SUSD6: variants seen among roughly 807,000 people sequenced by gnomAD.
SUSD6 encodes the protein sushi domain-containing protein 6.
SUSD6 carries 16 observed loss-of-function variants against 28.4 expected under a neutral mutation model. The observed-to-expected ratio is 0.56, with a 90% CI of 0.38 to 0.86. The LOEUF (loss-of-function observed/expected upper bound fraction) is 0.86, where lower values mean the gene tolerates loss of function less well. Among genes scored for constraint, SUSD6 ranks in the 40% least tolerant of loss-of-function variants. SUSD6 has a pLI of 0.00. For synonymous variants in SUSD6, 147 were observed against 159.6 expected, an observed-to-expected ratio of 0.92 and a Z score of 0.59; for missense variants, 341 against 384.2, an observed-to-expected ratio of 0.89 and a Z score of 0.94.
intron 2 of SUSD6, among the ~76,000 whole-genome samples, chr14:69,671,469 C>G (rs909862130): frequency 1.3e-5 from 2 of 152,200 alleles, no homozygotes; most frequent in Non-Finnish European, 2.9e-5. Context: ...TCAGTTCAGC[C>G]AACTCGTAGG....
intron 1 of SUSD6, among the ~76,000 whole-genome samples, chr14:69,621,849 T>C (rs566480020): frequency 1.3e-5 from 2 of 152,320 alleles, no homozygotes; most frequent in South Asian, 2.1e-4. Context: ...AAGCACATCG[T>C]TGAAAGAAGG....
At chr14:69,634,635 A>G (rs1295439237) in intron 1 of SUSD6, among the ~76,000 whole-genome samples, 1 of 152,266 alleles carries the variant, frequency 6.6e-6, no homozygotes, top group East Asian at 1.9e-4. Context: ...TTTATGAGGC[A>G]CATCTAAATT....
At chr14:69,672,290 A>G (rs1885845000) in intron 2 of SUSD6, among the ~76,000 whole-genome samples, 1 of 152,214 alleles carries the variant, frequency 6.6e-6, no homozygotes, top group South Asian at 2.1e-4. Context: ...AGAAGGTGAG[A>G]AGAGAGAGGA....
chr14:69,677,426 A>G (rs2139628223), intron 2 of SUSD6, among the ~76,000 whole-genome samples: 1 of 152,244 alleles, frequency 6.6e-6, no homozygotes, highest in Non-Finnish European at 1.5e-5. Flanking sequence ...GGACGCCTGT[A>G]GTCCCAGCTA....
intron 1 of SUSD6, among the ~76,000 whole-genome samples, chr14:69,613,739 TGATA>T (rs543984587): frequency 6.6e-5 from 10 of 152,230 alleles, no homozygotes; most frequent in Non-Finnish European, 1.5e-4. Flanking sequence ...GTATGAGTCC[TGATA>T]GATAGGACTT....
intron 2 of SUSD6, among the ~76,000 whole-genome samples, chr14:69,688,687 G>A (rs1225043200): frequency 1.3e-5 from 2 of 152,160 alleles, no homozygotes; most frequent in East Asian, 1.9e-4. Context: ...TGGATTTTCC[G>A]TTTTCTTCCC....
At chr14:69,693,207 G>A (rs1385122754) in intron 2 of SUSD6, among the ~76,000 whole-genome samples, 1 of 152,176 alleles carries the variant, frequency 6.6e-6, no homozygotes, top group African/African-American at 2.4e-5. Context: ...GAGTGGGCTA[G>A]CCCTGTACCT....
chr14:69,616,697 GA>G (rs893699555), intron 1 of SUSD6, among the ~76,000 whole-genome samples: 12 of 151,656 alleles, frequency 7.9e-5, no homozygotes, highest in East Asian at 1.9e-4. Context: ...AAATAAAAGG[GA>G]AAAAAAATCA....
At chr14:69,705,833 G>T (rs1396016597) in intron 4 of SUSD6, among the ~76,000 whole-genome samples, 4 of 152,236 alleles carry the variant, frequency 2.6e-5, no homozygotes, top group Non-Finnish European at 5.9e-5. Flanking sequence ...ATGAAGGGCA[G>T]AGCTGATGGT....
intron 2 of SUSD6, among the ~76,000 whole-genome samples, chr14:69,673,669 G>T (rs111897847): frequency 6.6e-6 from 1 of 152,146 alleles, no homozygotes; most frequent in South Asian, 2.1e-4. Context: ...GTGAGCCCCG[G>T]GGCTGGATCA....
chr14:69,638,070 T>C (rs1309155018), intron 1 of SUSD6, among the ~76,000 whole-genome samples: 1 of 152,070 alleles, frequency 6.6e-6, no homozygotes, highest in Non-Finnish European at 1.5e-5. Context: ...CCTCCAAGAA[T>C]CTTTATGTTA....
At chr14:69,620,396 T>A (rs1189394304) in intron 1 of SUSD6, among the ~76,000 whole-genome samples, 6 of 152,216 alleles carry the variant, frequency 3.9e-5, no homozygotes, top group Middle Eastern at 3.2e-3. Context: ...CAAAGGGAAG[T>A]AAGTCTAGTT....
intron 2 of SUSD6, among the ~76,000 whole-genome samples, chr14:69,689,994 T>C (rs1426470858): frequency 6.6e-6 from 1 of 151,212 alleles, no homozygotes; most frequent in African/African-American, 2.4e-5. Flanking sequence ...GTGAAAGTTA[T>C]TAGTTATTAA....
intron 1 of SUSD6, among the ~76,000 whole-genome samples, chr14:69,628,300 G>A (rs1413240579): frequency 6.6e-6 from 1 of 152,180 alleles, no homozygotes; most frequent in South Asian, 2.1e-4. Flanking sequence ...TGGGTCATTT[G>A]TGGTGGCAAA....
chr14:69,686,173 A>T (rs1886070267), intron 2 of SUSD6, among the ~76,000 whole-genome samples: 1 of 152,252 alleles, frequency 6.6e-6, no homozygotes, highest in South Asian at 2.1e-4. Flanking sequence ...TTGAATACTC[A>T]TTGACTTAAG....
Position 69,681,056 on chromosome 14 carries a change from C to T in SUSD6, c.122-22339C>T, listed in dbSNP as rs74060275. On this transcript the variant is annotated intron_variant, in intron 2 of 5. Coordinates refer to ENST00000342745, the MANE Select transcript of SUSD6 (RefSeq NM_014734.4). ...CAGTAGTTGCACAAAAGGAAGATGC[C>T]TTTTTTGTGGTTAAGAGCTGATGTT... Among the ~76,000 whole-genome samples the T allele has an allele frequency of 8.1e-3, 1,238 of 152,240 alleles. 21 individuals carry two copies. The highest frequency in any genetic ancestry group is 0.028 in the African/African-American group (1,161 of 41,552).
At chr14:69,670,508 G>C in intron 2 of SUSD6, 1 of 456,740 alleles carries the variant, frequency 2.2e-6, no homozygotes. Context: ...AGATCTAAAG[G>C]CAAGTGAGTT....
intron 1 of SUSD6, among the ~76,000 whole-genome samples, chr14:69,640,312 T>C (rs1885333057): frequency 6.6e-6 from 1 of 151,816 alleles, no homozygotes; most frequent in African/African-American, 2.4e-5. Flanking sequence ...AATTTATATA[T>C]ATATACACAC....
intron 2 of SUSD6, among the ~76,000 whole-genome samples, chr14:69,695,564 T>C (rs1253752589): frequency 6.6e-6 from 1 of 152,214 alleles, no homozygotes; most frequent in African/African-American, 2.4e-5. Flanking sequence ...TCCTTGTCAC[T>C]GGACTCTGCC....
Sources: allele counts gnomAD v4.1 joint callset (sites outside exome capture counted in the v4.1 genomes callset), GRCh38; gene constraint gnomAD v4.1.1; transcripts MANE v1.5; gene names NCBI Gene and HGNC (gene_info 2026-07-23, HGNC 2026-07-21).